The following TENM1 variants were observed in gnomAD, a reference collection of about 807,000 sequenced individuals.
The protein encoded by TENM1 is teneurin-1.
In TENM1, 35 loss-of-function variants were observed where a neutral mutation model predicts 174.8. That is an observed-to-expected ratio of 0.20 (90% CI 0.15 to 0.27). TENM1 has a LOEUF of 0.27. Ranked by LOEUF, TENM1 falls within the 10% of genes least tolerant of loss-of-function variation. The pLI is 1.00. For synonymous variants in TENM1, 781 were observed against 798.7 expected (o/e 0.98, Z 0.37); for missense variants, 1,633 against 2,130.1 (o/e 0.77, Z 4.59).
intron 3 of TENM1, among the ~76,000 whole-genome samples, chrX:124,779,924 A>T (rs1001010635): frequency 8.9e-6 from 1 of 112,022 alleles, no homozygotes; most frequent in African/African-American, 3.2e-5. Context: ...ATTGGGAACT[A>T]ACCTTAAGTC....
chrX:124,893,233 C>T (rs1328260261), intron 3 of TENM1, among the ~76,000 whole-genome samples: 2 of 112,078 alleles, frequency 1.8e-5, no homozygotes, highest in East Asian at 5.6e-4. Flanking sequence ...GTAAGACATA[C>T]AGAACAGAGC....
rs141272418 is a variant in TENM1 at position 124,774,441 on chromosome X, T to C, written c.536-37244A>G. ...TATGATATGGATCTAATAAACATTC[T>C]AGAAAAAGAAAATAAAGAAAATGGG... On this transcript the variant is annotated intron_variant, in intron 3 of 31. Transcript: ENST00000422452. Among the ~76,000 whole-genome samples the C allele has an allele frequency of 1.8e-3, 196 of 111,324 alleles. 1 individual carries two copies. The highest frequency in any genetic ancestry group is 6.3e-3 in the African/African-American group (193 of 30,666).
chrX:124,865,743 T>G lies in TENM1; in HGVS notation c.535+28553A>C, dbSNP rs780333462. Among the ~76,000 whole-genome samples the G allele has an allele frequency of 2.7e-5, 3 of 111,479 alleles. No individual in the cohort carries two copies. The South Asian group carries it at 1.1e-3, about 42-fold the overall frequency. On this transcript the variant is annotated intron_variant, in intron 3 of 31. Coordinates refer to ENST00000422452, the Ensembl canonical transcript of TENM1. The stretch of plus-strand genomic sequence containing the variant: ...CTGGCTGAATGGGTGAAAAAAATAT[T>G]GATCTGTTGCCTACAATAAAAACAC...
At chrX:125,154,335 AACTAGTTAG>A in the TENM1 span, among the ~76,000 whole-genome samples, 2 of 112,012 alleles carry the variant, frequency 1.8e-5, no homozygotes, top group Non-Finnish European at 3.8e-5. Context: ...AAGAGATGAA[AACTAGTTAG>A]AAAGTTTTCT....
chrX:124,938,497 A>C (rs2058278257), intron 1 of TENM1, among the ~76,000 whole-genome samples: 1 of 112,166 alleles, frequency 8.9e-6, no homozygotes, highest in Non-Finnish European at 1.9e-5. Flanking sequence ...CTGCAATTTT[A>C]GGTTTCACAA....
the TENM1 span, among the ~76,000 whole-genome samples, chrX:125,154,795 G>A: frequency 2.7e-4 from 29 of 109,177 alleles, no homozygotes; most frequent in Admixed American, 5.8e-4. Context: ...AGACTTTCGC[G>A]GTGAGTGTTA....
At chrX:124,461,268 A>G (rs917866215) in intron 22 of TENM1, among the ~76,000 whole-genome samples, 3 of 112,220 alleles carry the variant, frequency 2.7e-5, no homozygotes, top group Non-Finnish European at 5.6e-5. Context: ...ATGTGGAGAA[A>G]GGGGAATCCT....
the TENM1 span, among the ~76,000 whole-genome samples, chrX:125,194,437 T>C: frequency 0.011 from 1,211 of 111,390 alleles, 18 homozygotes; most frequent in African/African-American, 0.037. Context: ...TCACTGCTAC[T>C]ATACTCCTAA....
chrX:124,749,615 G>T (rs1334394756), intron 3 of TENM1, among the ~76,000 whole-genome samples: 1 of 112,067 alleles, frequency 8.9e-6, no homozygotes, highest in Admixed American at 9.5e-5. Context: ...TGTCAGGAAT[G>T]CTCAGAAACA....
intron 4 of TENM1, among the ~76,000 whole-genome samples, chrX:124,724,263 T>A (rs1226698092): frequency 8.9e-6 from 1 of 112,208 alleles, no homozygotes; most frequent in Non-Finnish European, 1.9e-5. Context: ...TCCATGCATT[T>A]TGTTGAACGA....
intron 11 of TENM1, among the ~76,000 whole-genome samples, chrX:124,592,282 C>G (rs777309055): frequency 1.8e-5 from 2 of 111,490 alleles, no homozygotes; most frequent in Admixed American, 1.9e-4. Context: ...CTAGTGTGAT[C>G]CTTTGAAGCT....
intron 3 of TENM1, among the ~76,000 whole-genome samples, chrX:124,743,468 G>C (rs910561811): frequency 8.0e-5 from 9 of 111,823 alleles, no homozygotes; most frequent in Admixed American, 1.9e-4. Context: ...CAGAAGGAGA[G>C]AGAAATAGAG....
chrX:124,513,877 T>A (rs2047639089), intron 18 of TENM1, among the ~76,000 whole-genome samples: 1 of 111,881 alleles, frequency 8.9e-6, no homozygotes, highest in Admixed American at 9.5e-5. Context: ...ACTGTTCAGA[T>A]GCTTTACCAT....
At chrX:125,107,319 T>C in the TENM1 span, among the ~76,000 whole-genome samples, 1 of 112,550 alleles carries the variant, frequency 8.9e-6, no homozygotes, top group African/African-American at 3.2e-5. Context: ...CAGATTGTTA[T>C]TTTACTACAT....
At chrX:125,128,757 C>T in the TENM1 span, among the ~76,000 whole-genome samples, 3,748 of 111,201 alleles carry the variant, frequency 0.034, 149 homozygotes, top group African/African-American at 0.12. Flanking sequence ...ACAGAAATAA[C>T]TGACTGAAAC....
At chrX:125,130,837 C>G in the TENM1 span, among the ~76,000 whole-genome samples, 2 of 111,748 alleles carry the variant, frequency 1.8e-5, no homozygotes, top group African/African-American at 6.5e-5. Context: ...ATGAACAAAA[C>G]AAAGTCCTTG....
chrX:124,742,467 C>T (rs990175507), intron 3 of TENM1, among the ~76,000 whole-genome samples: 1 of 111,405 alleles, frequency 9.0e-6, no homozygotes, highest in Non-Finnish European at 1.9e-5. Flanking sequence ...ACTTATTTAT[C>T]TAATTTCATA....
At chrX:124,470,628 C>CT (rs201199246) in intron 22 of TENM1, among the ~76,000 whole-genome samples, 4 of 111,269 alleles carry the variant, frequency 3.6e-5, no homozygotes, top group African/African-American at 1.3e-4. Context: ...TTCTCCTACT[C>CT]TTTTTTAAAA....
chrX:124,725,217 T>G (rs969864631), intron 4 of TENM1, among the ~76,000 whole-genome samples: 34 of 110,991 alleles, frequency 3.1e-4, no homozygotes, highest in African/African-American at 1.1e-3. Flanking sequence ...TCAAAAAAGA[T>G]CAATGTTTTA....
Sources: gnomAD v4.1 joint callset for allele counts (sites outside exome capture counted in the v4.1 genomes callset) on GRCh38, gnomAD v4.1.1 for gene constraint, MANE v1.5 for transcripts, NCBI Gene and HGNC (gene_info 2026-07-23, HGNC 2026-07-21) for gene names.